Variants in FERRY3 observed in about 807,000 individuals in gnomAD.
FERRY3 encodes the protein FERRY endosomal RAB5 effector complex subunit 3.
At chr12:4,517,090 T>C in the FERRY3 span, 1 of 1,579,414 alleles carries the variant, frequency 6.3e-7, no homozygotes, top group East Asian at 2.3e-5. Context: ...ACTCCTGCGC[T>C]GGGTTCTAGC....
chr12:4,499,172 T>C, the FERRY3 span, among the ~76,000 whole-genome samples: 5,848 of 152,304 alleles, frequency 0.038, 374 homozygotes, highest in African/African-American at 0.13. Flanking sequence ...TCACAATCTC[T>C]GCTTCCCAGT....
the FERRY3 span, among the ~76,000 whole-genome samples, chr12:4,505,130 T>A: frequency 7.2e-5 from 11 of 152,154 alleles, no homozygotes; most frequent in African/African-American, 2.7e-4. Flanking sequence ...AATAATTAAG[T>A]TTAACACTGG....
chr12:4,534,169 T>G, the FERRY3 span: 1 of 1,605,160 alleles, frequency 6.2e-7, no homozygotes, highest in South Asian at 1.1e-5. Context: ...CAGCATAAGC[T>G]TTGGCCCATG....
the FERRY3 span, among the ~76,000 whole-genome samples, chr12:4,514,215 A>G: frequency 0.16 from 23,307 of 143,108 alleles, 3,138 homozygotes; most frequent in African/African-American, 0.37. Flanking sequence ...ACACCAGTTA[A>G]AATGGCAATC....
chr12:4,501,841 T>C, the FERRY3 span, among the ~76,000 whole-genome samples: 3 of 152,232 alleles, frequency 2.0e-5, no homozygotes, highest in African/African-American at 7.2e-5. Context: ...TGTGGAAAAC[T>C]GTCTTCCATG....
chr12:4,490,167 T>TA, the FERRY3 span, among the ~76,000 whole-genome samples: 4 of 152,120 alleles, frequency 2.6e-5, no homozygotes, highest in African/African-American at 4.8e-5. Flanking sequence ...TAATCAGTAA[T>TA]AAAAAACCAC....
At chr12:4,536,119 A>C in the FERRY3 span, 1 of 1,607,830 alleles carries the variant, frequency 6.2e-7, no homozygotes, top group Non-Finnish European at 8.5e-7. Flanking sequence ...CTCAGTTCTA[A>C]GCACTGACTT....
At chr12:4,490,328 G>A in the FERRY3 span, among the ~76,000 whole-genome samples, 2 of 152,292 alleles carry the variant, frequency 1.3e-5, no homozygotes, top group East Asian at 3.9e-4. Context: ...CAAATCCCTT[G>A]AGTGGTAGAT....
chr12:4,490,479 TAA>T, the FERRY3 span: 10 of 1,461,818 alleles, frequency 6.8e-6, no homozygotes, highest in Non-Finnish European at 9.3e-6. Context: ...AGAAATCTAA[TAA>T]AAGAGATTAA....
chr12:4,532,926 A>T, the FERRY3 span, among the ~76,000 whole-genome samples: 1 of 152,168 alleles, frequency 6.6e-6, no homozygotes, highest in African/African-American at 2.4e-5. Context: ...TAGCAGAAAA[A>T]TCACAAAACT....
chr12:4,536,217 G>A, the FERRY3 span: 4 of 1,497,136 alleles, frequency 2.7e-6, no homozygotes, highest in Admixed American at 4.4e-5. Flanking sequence ...GATTTCTACA[G>A]AACTAACAAA....
chr12:4,535,436 G>A, the FERRY3 span, among the ~76,000 whole-genome samples: 2 of 152,174 alleles, frequency 1.3e-5, no homozygotes, highest in African/African-American at 4.8e-5. The surrounding 1 kb of genome is among the most constrained non-coding windows in gnomAD (Gnocchi z 4.0). Context: ...CAGTTTCCTT[G>A]TTTGTACAAT....
chr12:4,507,982 TAC>T, the FERRY3 span, among the ~76,000 whole-genome samples: 2 of 152,254 alleles, frequency 1.3e-5, no homozygotes, highest in East Asian at 3.8e-4. Flanking sequence ...TGCTCTTTTG[TAC>T]AGTTTGAATT....
At chr12:4,528,735 CTTA>C in the FERRY3 span, among the ~76,000 whole-genome samples, 1 of 151,954 alleles carries the variant, frequency 6.6e-6, no homozygotes, top group East Asian at 1.9e-4. Flanking sequence ...AATACATTTC[CTTA>C]TTATTTTTCT....
At chr12:4,516,132 T>G in the FERRY3 span, among the ~76,000 whole-genome samples, 1 of 152,182 alleles carries the variant, frequency 6.6e-6, no homozygotes, top group Non-Finnish European at 1.5e-5. Context: ...TAAAAAGGTG[T>G]GTATTTTGTG....
the FERRY3 span, among the ~76,000 whole-genome samples, chr12:4,531,818 C>T: frequency 2.0e-5 from 3 of 152,146 alleles, no homozygotes; most frequent in African/African-American, 7.2e-5. Flanking sequence ...TCCTCTCTGC[C>T]CCACATCCTG....
the FERRY3 span, among the ~76,000 whole-genome samples, chr12:4,496,639 C>T: frequency 3.3e-5 from 5 of 152,304 alleles, no homozygotes; most frequent in East Asian, 9.6e-4. Flanking sequence ...CTGACTATAA[C>T]TGAGACAACG....
the FERRY3 span, among the ~76,000 whole-genome samples, chr12:4,514,001 A>G: frequency 2.4e-3 from 363 of 151,330 alleles, 1 homozygote; most frequent in African/African-American, 8.1e-3. Context: ...CTCATCTGAC[A>G]AAGGGCTAAT....
chr12:4,508,526 CAT>C, the FERRY3 span, among the ~76,000 whole-genome samples: 902 of 152,298 alleles, frequency 5.9e-3, 9 homozygotes, highest in African/African-American at 0.021. Context: ...GGGCAGATCA[CAT>C]GAGGCCAGGA....
Sources: allele counts gnomAD v4.1 joint callset (sites outside exome capture counted in the v4.1 genomes callset), GRCh38; gene constraint gnomAD v4.1.1; non-coding constraint Gnocchi (gnomAD v3.1); transcripts MANE v1.5; gene names NCBI Gene and HGNC (gene_info 2026-07-23, HGNC 2026-07-21).